Variants in MYH1 observed in about 807,000 individuals in gnomAD.
MYH1 encodes the protein myosin heavy chain 1, also known as myosin-1.
MYH1 carries 214 observed loss-of-function variants against 225.6 expected under a neutral mutation model. The ratio of observed to expected loss-of-function variants is 0.95; its 90% CI spans 0.85 to 1.06. The LOEUF is 1.06. MYH1 is among the 50% of genes least tolerant of loss of function. The pLI is 0.00. For synonymous variants in MYH1, 774 were observed against 842.3 expected (o/e 0.92, Z 1.40); for missense variants, 2,098 against 2,344.2 (o/e 0.89, Z 2.17).
At chr17:10,508,763 T>C (rs2073142608) in intron 15 of MYH1, 91 bp from the exon 16 acceptor site, 2 of 1,495,596 alleles carry the variant, frequency 1.3e-6, no homozygotes, top group South Asian at 2.7e-5. Flanking sequence ...TCTGAGTAAA[T>C]TCATCCTTTA....
intron 39 of MYH1, 80 bp downstream of exon 39, chr17:10,494,274 C>G (rs903004214): frequency 7.4e-7 from 1 of 1,345,768 alleles, no homozygotes; most frequent in Non-Finnish European, 1.0e-6. Flanking sequence ...CCTCATTTTA[C>G]TCATCTTTTC....
rs201002878 is a variant in MYH1, at chr17:10,496,294, G to A, written c.4912C>T (p.Arg1638Cys). The A allele has an allele frequency of 5.4e-5, 87 of 1,614,108 alleles. 2 individuals are homozygous for A. The highest frequency in any genetic ancestry group is 1.1e-4 in the South Asian group (10 of 91,072). The change falls in exon 34 of 40, where the codon CGC (arginine) becomes TGC (cysteine). Residue 1638 changes from arginine to cysteine, a missense_variant. Coordinates refer to ENST00000226207, the MANE Select transcript of MYH1 (RefSeq NM_005963.4). ...TTCCTCAGGGCCTCAGCAGCCATGCGGTTGGCATGGTTCAGCTGGATTTCC... is the reference window on the plus strand; with the variant it reads ...TTCCTCAGGGCCTCAGCAGCCATGCAGTTGGCATGGTTCAGCTGGATTTCC... ...EMEIQLNHAN[R>C]MAAEALRNYR...
Position 10,498,786 on chromosome 17 carries a change from G to A in MYH1, c.4021C>T (p.Arg1341Cys), listed in dbSNP as rs3744564. ...SALAHALQSS[R>C]HDCDLLREQY... The stretch of plus-strand genomic sequence containing the variant: ...TCCCGCAGCAGGTCACAGTCATGGC[G>A]GGAGGACTGCAGGGCATGTGCCAGG... Residue 1341 changes from arginine to cysteine, a missense_variant, in exon 30 of 40, where the codon CGC becomes TGC. Coordinates refer to ENST00000226207, the MANE Select transcript of MYH1 (RefSeq NM_005963.4). 331 of 1,614,214 alleles carry A rather than the reference G, an allele frequency of 2.1e-4. 3 individuals are homozygous for A. The East Asian group carries it at 6.6e-3, about 32-fold the overall frequency.
chr17:10,505,000 A>T lies in MYH1; in HGVS notation c.2501T>A (p.Met834Lys). 1 of 1,614,138 alleles carries T rather than the reference A, an allele frequency of 6.2e-7. No individual in the cohort carries two copies. Among genetic ancestry groups the T allele is most frequent in the Non-Finnish European group, 8.5e-7 (1 of 1,180,036 alleles). Residue 834 changes from methionine (M) to lysine (K), a missense_variant, in exon 22 of 40, where the codon ATG becomes AAG. Transcript: ENST00000226207. ...AFMNVKHWPW[M>K]KLYFKIKPLL... ...GGGTTTGATCTTGAAATACAGCTTC[A>T]TCCAGGGCCAGTGCTTCACATTCAT...
intron 28 of MYH1, among the ~76,000 whole-genome samples, chr17:10,500,332 G>A (rs942324517): frequency 5.8e-4 from 87 of 151,182 alleles, no homozygotes; most frequent in Non-Finnish European, 2.2e-4. Context: ...AAATAGAAGG[G>A]CCTGATTCTA....
In MYH1 at chr17:10,496,069, G is replaced by T; in HGVS notation, c.5050C>A (p.Leu1684Met). ...AGCTCCTCGATCTCAGCCTGCAGCA[G>T]GTTGGCTCTGCGCTCCACCATAGCC... The part of the protein sequence containing the change: ...QLAMVERRAN[L>M]LQAEIEELRA... Residue 1684 changes from leucine to methionine, a missense_variant, in exon 35 of 40, where the codon CTG becomes ATG. Transcript: ENST00000226207. 1 of 1,614,166 alleles carries T rather than the reference G, an allele frequency of 6.2e-7. No individual in the cohort carries two copies. The highest frequency in any genetic ancestry group is 1.6e-4 in the Middle Eastern group (1 of 6,062).
rs180892633 is a variant in MYH1, at chr17:10,514,943, C to G, written c.506-48G>C. The G allele has an allele frequency of 1.9e-6, 3 of 1,566,128 alleles. No homozygotes were observed. In the Admixed American group the frequency reaches 5.2e-5, roughly 27 times the overall value. ...TCAGCATATGTATCAGTTACACAAA[C>G]AAAACTTTCTATAGTGAAACAGGGC... On this transcript the variant is annotated intron_variant, in intron 5 of 39. Coordinates refer to ENST00000226207, the MANE Select transcript of MYH1 (RefSeq NM_005963.4).
rs370956003 is a variant in MYH1 at position 10,501,092 on chromosome 17, G to A, written c.3738+18C>T. ...AAAAACAAAAAACCAAATAATCAAT[G>A]TGAAGTGTTGATTGTACCTTGGCTT... On this transcript the variant is annotated intron_variant, in intron 27 of 39. Coordinates refer to ENST00000226207, the MANE Select transcript of MYH1 (RefSeq NM_005963.4). 2.1e-5 allele frequency: 34 copies of A among 1,609,812 alleles called. No individual in the cohort carries two copies. Among genetic ancestry groups the A allele is most frequent in the Non-Finnish European group, 2.8e-5 (33 of 1,176,664 alleles).
Position 10,497,085 on chromosome 17 carries a change from G to T in MYH1, c.4640C>A (p.Ala1547Asp). The T allele has an allele frequency of 6.2e-7, 1 of 1,613,806 alleles. No homozygotes were observed. The highest frequency in any genetic ancestry group is 1.1e-5 in the South Asian group (1 of 91,024). Reference protein sequence around the residue: ...VEQEKSELQAALEEAEASLEH... With the variant: ...VEQEKSELQADLEEAEASLEH... Reference sequence around the variant, plus strand: ...AATGCTTACCTCTGCCTCCTCTAAGGCAGCCTGAAGTTCAGACTTTTCTTG... The same window carrying T: ...AATGCTTACCTCTGCCTCCTCTAAGTCAGCCTGAAGTTCAGACTTTTCTTG... Residue 1547 changes from alanine (A) to aspartate (D), a missense_variant, in exon 33 of 40, where the codon GCC becomes GAC. Coordinates refer to ENST00000226207, the MANE Select transcript of MYH1 (RefSeq NM_005963.4).
In MYH1 at chr17:10,506,114, G is replaced by A. The variant is rs781504430; in HGVS notation, c.1969-15C>T. The A allele has an allele frequency of 8.1e-5, 131 of 1,613,754 alleles. No individual in the cohort carries two copies. The Admixed American group carries it at 2.0e-3, about 25-fold the overall frequency. On this transcript the variant is annotated splice_polypyrimidine_tract_variant and intron_variant, in intron 17 of 39. Coordinates refer to ENST00000226207, the MANE Select transcript of MYH1 (RefSeq NM_005963.4). ...TTCAAATTCTCCTGTGGAACCATGC[G>A]AGTTTATACTTTAAAAAATGTACTG... is the stretch of plus-strand genomic sequence containing the variant.
At position 10,492,307 on chromosome 17, in the gene MYH1, T is replaced by A; in HGVS notation, c.*109A>T. 1 of 1,343,516 alleles carries A rather than the reference T, an allele frequency of 7.4e-7. No homozygotes were observed. Among genetic ancestry groups the A allele is most frequent in the South Asian group, 1.3e-5 (1 of 75,834 alleles). 83.2% of individuals were successfully genotyped at this position (1,343,516 alleles called of 1,614,324 possible). On this transcript the variant is annotated 3_prime_UTR_variant, in exon 40 of 40. Transcript: ENST00000226207. ...TAGAGGGGAAAAAGAGACTCACAAG[T>A]TTTTGGCAGATAAATTTTTTATCTC...
intron 12 of MYH1, 78 bp downstream of exon 12, chr17:10,512,330 T>A (rs2073178688): frequency 1.2e-6 from 2 of 1,611,306 alleles, no homozygotes; most frequent in South Asian, 2.2e-5. Context: ...AGCTCAGCTG[T>A]AAAGAAGACT....
intron 14 of MYH1, 41 bp from the exon 15 acceptor site, chr17:10,509,696 T>A (rs767578659): frequency 3.7e-6 from 6 of 1,614,024 alleles, no homozygotes; most frequent in Non-Finnish European, 3.4e-6. Context: ...CAATTTATAA[T>A]GAAATCTTCT....
At chr17:10,501,087 T>C in intron 27 of MYH1, 23 bp downstream of exon 27, 2 of 1,607,554 alleles carry the variant, frequency 1.2e-6, no homozygotes, top group Non-Finnish European at 1.7e-6. Context: ...AACCAAATAA[T>C]CAATGTGAAG....
In MYH1 at chr17:10,496,042, G is replaced by A. The variant is rs150177053; in HGVS notation, c.5077C>T (p.Arg1693Trp). ...CTCTCTGTCTGTTCCAGAGTGGCCC[G>A]CAGCTCCTCGATCTCAGCCTGCAGC... ...NLLQAEIEEL[R>W]ATLEQTERSR... The change falls in exon 35 of 40, where the codon CGG (arginine) becomes TGG (tryptophan). Residue 1693 changes from arginine to tryptophan, a missense_variant. Physicochemically the swap from Arg to Trp is moderately radical, Grantham distance 101. Transcript: ENST00000226207. The A allele has an allele frequency of 9.3e-4, 1,497 of 1,614,026 alleles. 11 individuals carry two copies. The East Asian group carries it at 0.011, about 12-fold the overall frequency.
At position 10,516,304 on chromosome 17, in the gene MYH1, G is replaced by T. The variant is rs2073228537; in HGVS notation, c.243C>A (p.Asn81Lys). ...CCTCGATCTTGTCATATTTGGGAGG[G>T]TTCATGGGGAAGACTTGGTCATCTT... ...TVKDDQVFPM[N>K]PPKYDKIEDM... The change falls in exon 4 of 40, where the codon AAC becomes AAA. Residue 81 changes from asparagine to lysine, a missense_variant. Asn to Lys is a moderately conservative substitution (Grantham distance 94). Coordinates refer to ENST00000226207, the MANE Select transcript of MYH1 (RefSeq NM_005963.4). 2 of 1,614,072 alleles carry T rather than the reference G, an allele frequency of 1.2e-6. No homozygotes were observed. Among genetic ancestry groups the T allele is most frequent in the Non-Finnish European group, 1.7e-6 (2 of 1,180,040 alleles).
chr17:10,514,246 A>G (rs112124362), intron 6 of MYH1, 122 bp from the exon 7 acceptor site: 28 of 1,145,770 alleles, frequency 2.4e-5, no homozygotes, highest in Non-Finnish European at 3.1e-5. Flanking sequence ...CAGCCTACAT[A>G]TAGCTCGTAT....
rs544300129 is a variant in MYH1 at position 10,496,719 on chromosome 17, TAA to T, written c.4657-172_4657-171del. On this transcript the variant is annotated intron_variant, in intron 33 of 39. Transcript: ENST00000226207. ...GCCTTTGCATTTTCTTGCTATTCTC[TAA>T]CACACACACTGTCTGCCTTTGTGCT... 7.2e-5 allele frequency among the ~76,000 whole-genome samples: 11 copies of T among 152,360 alleles called. No homozygotes were observed. The East Asian group carries it at 2.1e-3, about 29-fold the overall frequency.
intron 19 of MYH1, 113 bp downstream of exon 19, chr17:10,505,699 G>A (rs1037141208): frequency 6.9e-7 from 1 of 1,452,298 alleles, no homozygotes. Context: ...AGTTTGTTAA[G>A]TGAGTTTATC....
Sources: allele counts gnomAD v4.1 joint callset (sites outside exome capture counted in the v4.1 genomes callset), GRCh38; gene constraint gnomAD v4.1.1; transcripts MANE v1.5; gene names NCBI Gene and HGNC (gene_info 2026-07-23, HGNC 2026-07-21).